The following ADGRG1 variants were observed in gnomAD, a reference collection of about 807,000 sequenced individuals.
ADGRG1 encodes the protein 7-transmembrane protein with no EGF-like N-terminal domains-1.
ADGRG1 carries 53 observed loss-of-function variants against 73.5 expected under a neutral mutation model. The ratio of observed to expected loss-of-function variants is 0.72; its 90% CI spans 0.58 to 0.91. The LOEUF (loss-of-function observed/expected upper bound fraction) is 0.91. Ranked by LOEUF, ADGRG1 falls within the 40% of genes least tolerant of loss-of-function variation. The probability of loss-of-function intolerance (pLI) is 0.00; values close to 1 mark genes in which losing one functional copy is unlikely to be tolerated. For synonymous variants in ADGRG1, 394 were observed against 374.4 expected (o/e 1.05, Z -0.60); for missense variants, 795 against 871.8 (o/e 0.91, Z 1.11).
In ADGRG1 at chr16:57,659,401, C is replaced by A; in HGVS notation, c.1287-12C>A. 6.2e-7 allele frequency: 1 copy of A among 1,613,514 alleles called. No homozygotes were observed. Among genetic ancestry groups the A allele is most frequent in the Non-Finnish European group, 8.5e-7 (1 of 1,179,938 alleles). On this transcript the variant is annotated splice_polypyrimidine_tract_variant and intron_variant, in intron 10 of 13. Coordinates refer to ENST00000562631, the MANE Select transcript of ADGRG1 (RefSeq NM_201525.4). Reference sequence around the variant, plus strand: ...TCCCACACTGGCCCACCAGGGTGCCCCTGCCGTGCAGGAGGAAACCTCGGG... The same window carrying A: ...TCCCACACTGGCCCACCAGGGTGCCACTGCCGTGCAGGAGGAAACCTCGGG...
rs959490120 is a variant in ADGRG1 at position 57,635,246 on chromosome 16, C to G, written c.-36+6444C>G. 13 of 985,224 alleles carry G rather than the reference C, an allele frequency of 1.3e-5. No individual in the cohort carries two copies. The African/African-American group carries it at 2.3e-4, about 17-fold the overall frequency. The allele number at this position is 985,224 out of a possible 1,614,324, so 61.0% of individuals were successfully genotyped here. A position where few individuals can be genotyped will look rare whatever the true frequency, so the allele number is the denominator to read the frequency against. ...GGCAGTGGGCAAAGCTGGAAGAAAC[C>G]CTCGTGCACAGCTTCCTCAAAGCTG... is the stretch of plus-strand genomic sequence containing the variant. On this transcript the variant is annotated intron_variant, in intron 1 of 13. Transcript: ENST00000562631.
At chr16:57,641,318 C>A (rs187813980) in intron 1 of ADGRG1, 10 of 985,378 alleles carry the variant, frequency 1.0e-5, no homozygotes, top group Non-Finnish European at 1.2e-5. Flanking sequence ...CTGGTGTGTG[C>A]CCTGGCGCCC....
intron 13 of ADGRG1, 84 bp from the exon 14 acceptor site, chr16:57,663,368 C>T (rs892024722): frequency 6.3e-7 from 1 of 1,583,566 alleles, no homozygotes; most frequent in East Asian, 2.3e-5. Context: ...TGGGGCAGAC[C>T]CGAGTCACAA....
chr16:57,656,569 C>G lies in ADGRG1; in HGVS notation c.1119C>G (p.Thr373=). The change falls in exon 9 of 14, where the codon ACC becomes ACG. Residue 373 remains threonine, a synonymous_variant. Coordinates refer to ENST00000562631, the MANE Select transcript of ADGRG1 (RefSeq NM_201525.4). ...SAGCETVRRE[T]QTSCFCNHLT... is the part of the protein sequence containing the mutation. ...GGTGTGAGACCGTCAGGAGAGAAAC[C>G]CAAACATCCTGCTTCTGCAACCACT... 1 of 1,613,898 alleles carries G rather than the reference C, an allele frequency of 6.2e-7. No individual in the cohort carries two copies. The highest frequency in any genetic ancestry group is 8.5e-7 in the Non-Finnish European group (1 of 1,179,794).
intron 1 of ADGRG1, chr16:57,637,529 C>T: frequency 3.0e-6 from 3 of 985,434 alleles, no homozygotes; most frequent in South Asian, 4.7e-5. Flanking sequence ...TCCTTTGATG[C>T]AACAGAGGCC....
At chr16:57,630,662 A>G (rs2037588530) in intron 1 of ADGRG1, 3 of 365,794 alleles carry the variant, frequency 8.2e-6, no homozygotes, top group Middle Eastern at 1.4e-3. Context: ...GATACAAACA[A>G]ACAAACAACA....
At chr16:57,639,228 G>A (rs1032034056) in intron 1 of ADGRG1, 16 of 984,056 alleles carry the variant, frequency 1.6e-5, no homozygotes, top group South Asian at 4.7e-5. Flanking sequence ...CCCATAAATC[G>A]CTGTCCTAAC....
chr16:57,645,564 C>T (rs1302743731), intron 1 of ADGRG1, among the ~76,000 whole-genome samples: 2 of 152,174 alleles, frequency 1.3e-5, no homozygotes, highest in African/African-American at 4.8e-5. Flanking sequence ...CTGAGGGATG[C>T]GGGGCCAGTC....
At chr16:57,658,961 G>T (rs1053096051) in intron 10 of ADGRG1, 3 of 984,982 alleles carry the variant, frequency 3.0e-6, no homozygotes, top group African/African-American at 3.5e-5. Context: ...GGTGGGGTGG[G>T]GTGTGCACAC....
upstream of ADGRG1, chr16:57,626,963 C>A (rs1046502632): frequency 1.0e-6 from 1 of 985,564 alleles, no homozygotes; most frequent in Non-Finnish European, 1.2e-6. Flanking sequence ...CCCACTGCAG[C>A]CCCGGGAGAG....
In ADGRG1 at chr16:57,665,007, G is replaced by A. The variant is rs1188650301; in HGVS notation, c.*1425G>A. The A allele has an allele frequency of 6.6e-6, 1 of 152,550 alleles. No homozygotes were observed. Among genetic ancestry groups the A allele is most frequent in the Non-Finnish European group, 1.5e-5 (1 of 68,052 alleles). The allele number at this position is 152,550 out of a possible 1,614,324, so 9.4% of individuals were successfully genotyped here. A position where few individuals can be genotyped will look rare whatever the true frequency, so the allele number is the denominator to read the frequency against. On this transcript the variant is annotated 3_prime_UTR_variant, in exon 14 of 14. Transcript: ENST00000562631. ...GAATCAAGAAGAAAAATAAAAATCAGCTGTTGTAATCACCTAGCAAACTGG... is the reference window on the plus strand; with the variant it reads ...GAATCAAGAAGAAAAATAAAAATCAACTGTTGTAATCACCTAGCAAACTGG...
At chr16:57,655,210 C>G (rs1567779388) in intron 5 of ADGRG1, 189 bp from the exon 6 acceptor site, 2 of 985,238 alleles carry the variant, frequency 2.0e-6, no homozygotes, top group Non-Finnish European at 2.4e-6. Context: ...ACAAGACTCC[C>G]CAGCCAGAGC....
chr16:57,632,236 ACCCTGC>A (rs2038156091), intron 1 of ADGRG1: 1 of 985,084 alleles, frequency 1.0e-6, no homozygotes, highest in African/African-American at 1.8e-5. Context: ...CGTGTCTTGA[ACCCTGC>A]CCCTGCCACT....
upstream of ADGRG1, among the ~76,000 whole-genome samples, chr16:57,626,189 G>A (rs1403236582): frequency 6.6e-6 from 1 of 152,198 alleles, no homozygotes; most frequent in Non-Finnish European, 1.5e-5. Flanking sequence ...CCTTGGCTAA[G>A]TTACTTCATG....
intron 1 of ADGRG1, chr16:57,639,196 C>A: frequency 2.2e-6 from 2 of 895,622 alleles, no homozygotes; most frequent in Non-Finnish European, 2.7e-6. Flanking sequence ...CCCTTCAAGA[C>A]AGGCAGGTGT....
chr16:57,659,921 T>C lies in ADGRG1; in HGVS notation c.1555+240T>C, dbSNP rs1020108939. Among the ~76,000 whole-genome samples, 3 of 152,250 alleles carry C rather than the reference T, an allele frequency of 2.0e-5. No homozygotes were observed. In the South Asian group the frequency reaches 6.2e-4, roughly 32 times the overall value. ...ATCACTCACTCCATTGCAAAGGGGA[T>C]TTACGAGCAGGGCCACCGTGTGTGA... On this transcript the variant is annotated intron_variant, in intron 11 of 13. Transcript: ENST00000562631.
chr16:57,657,569 C>T (rs751013914), intron 10 of ADGRG1, 78 bp downstream of exon 10: 35 of 1,078,446 alleles, frequency 3.2e-5, no homozygotes, highest in African/African-American at 7.7e-5. Flanking sequence ...CACACATCTC[C>T]GGTCATGGCC....
chr16:57,623,291 C>G, upstream of ADGRG1: 1 of 948,244 alleles, frequency 1.1e-6, no homozygotes, highest in South Asian at 4.9e-5. Flanking sequence ...CGCAGGAGCC[C>G]GACTGGCATC....
chr16:57,645,258 C>T (rs573100725), intron 1 of ADGRG1: 2 of 985,344 alleles, frequency 2.0e-6, no homozygotes, highest in Admixed American at 6.1e-5. Flanking sequence ...CCCTCTGCCT[C>T]TCCCAGCGAG....
Sources: gnomAD v4.1 joint callset for allele counts (sites outside exome capture counted in the v4.1 genomes callset) on GRCh38, gnomAD v4.1.1 for gene constraint, MANE v1.5 for transcripts, NCBI Gene and HGNC (gene_info 2026-07-23, HGNC 2026-07-21) for gene names.